Variants in TNPO1 observed in about 807,000 individuals in gnomAD.
The protein encoded by TNPO1 is transportin-1.
Under a neutral mutation model 119.5 loss-of-function variants are expected in TNPO1, and 8 were observed. The ratio of observed to expected loss-of-function variants is 0.07; its 90% CI spans 0.04 to 0.12. TNPO1 has a LOEUF of 0.12. TNPO1 is among the 10% of genes least tolerant of loss of function. The pLI, the probability that TNPO1 is intolerant of heterozygous loss-of-function variation, is 1.00. For missense variants in TNPO1, 576 were observed against 1,089.8 expected (o/e 0.53, Z 6.64); for synonymous variants, 362 against 363.0 (o/e 1.00, Z 0.03).
At chr5:72,853,017 C>T (rs1745700642) in intron 3 of TNPO1, among the ~76,000 whole-genome samples, 1 of 152,106 alleles carries the variant, frequency 6.6e-6, no homozygotes, top group Non-Finnish European at 1.5e-5. Context: ...AATTTATTTT[C>T]ACTAAGCTGT....
intron 11 of TNPO1, among the ~76,000 whole-genome samples, chr5:72,886,389 G>A (rs932051351): frequency 5.9e-5 from 9 of 152,104 alleles, no homozygotes; most frequent in Non-Finnish European, 1.2e-4. Context: ...AGTTAATAAT[G>A]TATGTTTTTT....
At chr5:72,894,268 TAAG>T (rs1395046242) in intron 18 of TNPO1, among the ~76,000 whole-genome samples, 1 of 152,142 alleles carries the variant, frequency 6.6e-6, no homozygotes, top group Non-Finnish European at 1.5e-5. Flanking sequence ...GTGACAATGA[TAAG>T]AAATTCCTTG....
intron 6 of TNPO1, among the ~76,000 whole-genome samples, chr5:72,868,431 CAAAAAAAAAAAAA>C (rs200691585): frequency 5.9e-4 from 16 of 27,070 alleles, no homozygotes; most frequent in Admixed American, 9.1e-4. Flanking sequence ...GACTCCGTCT[CAAAAAAAAAAAAA>C]AAAAAAAAAA....
In TNPO1 at chr5:72,851,199, C is replaced by A. The variant is rs562214549; in HGVS notation, c.130-45C>A. 7.8e-5 allele frequency: 90 copies of A among 1,156,492 alleles called. No homozygotes were observed. In the African/African-American group the frequency reaches 1.3e-3, roughly 16 times the overall value. The allele number at this position is 1,156,492 out of a possible 1,614,324, so 71.6% of individuals were successfully genotyped here. A position where few individuals can be genotyped will look rare whatever the true frequency, so the allele number is the denominator to read the frequency against. On this transcript the variant is annotated intron_variant, in intron 2 of 24. Transcript: ENST00000337273. ...TTAGATTTAAAATGCTTAATTTCTTCCTGAGATTACACAGAGAAGTTTCCT... is the reference window on the plus strand; with the variant it reads ...TTAGATTTAAAATGCTTAATTTCTTACTGAGATTACACAGAGAAGTTTCCT...
Position 72,911,230 on chromosome 5 carries a change from A to G in TNPO1, c.*2557A>G, listed in dbSNP as rs1047335489. ...GACAATTCTGTATTGACTAAAGGCAATATTGTCACCTGTCTCATTAAAAAT... is the reference window on the plus strand; with the variant it reads ...GACAATTCTGTATTGACTAAAGGCAGTATTGTCACCTGTCTCATTAAAAAT... On this transcript the variant is annotated 3_prime_UTR_variant, in exon 25 of 25. Transcript: ENST00000337273. 6 of 152,228 alleles carry G rather than the reference A, an allele frequency of 3.9e-5. No individual in the cohort carries two copies. Among genetic ancestry groups the G allele is most frequent in the South Asian group, 4.1e-4 (2 of 4,830 alleles). The allele number at this position is 152,228 out of a possible 1,614,324, so 9.4% of individuals were successfully genotyped here.
rs947056452 is a variant in TNPO1, at chr5:72,875,781, A to G, written c.801+44A>G. On this transcript the variant is annotated intron_variant, in intron 8 of 24. Coordinates refer to ENST00000337273, the MANE Select transcript of TNPO1 (RefSeq NM_002270.4). ...AGGCTCTTTCATCATCTTTCCCCTA[A>G]GAGAAATACTAGATAGAAAATACAA... 10 of 1,572,528 alleles carry G rather than the reference A, an allele frequency of 6.4e-6. No individual in the cohort carries two copies. The African/African-American group carries it at 8.1e-5, about 13-fold the overall frequency.
At position 72,912,622 on chromosome 5, in the gene TNPO1, G is replaced by A. The variant is rs1370892240; in HGVS notation, c.*3949G>A. 1 of 152,284 alleles carries A rather than the reference G, an allele frequency of 6.6e-6. No homozygotes were observed. The highest frequency in any genetic ancestry group is 2.4e-5 in the African/African-American group (1 of 41,372). The allele number at this position is 152,284 out of a possible 1,614,324, so 9.4% of individuals were successfully genotyped here. ...GGGTGGTATAAAGCCCTCCTGACAA[G>A]CCTTTTGCCTACAGGTTTACCTGAA... is the stretch of plus-strand genomic sequence containing the variant. On this transcript the variant is annotated 3_prime_UTR_variant, in exon 25 of 25. Coordinates refer to ENST00000337273, the MANE Select transcript of TNPO1 (RefSeq NM_002270.4).
chr5:72,853,011 T>C (rs1175644633), intron 3 of TNPO1, among the ~76,000 whole-genome samples: 1 of 152,248 alleles, frequency 6.6e-6, no homozygotes, highest in Non-Finnish European at 1.5e-5. Flanking sequence ...TTTTTAAATT[T>C]ATTTTCACTA....
At chr5:72,837,790 A>G (rs1744748400) in intron 1 of TNPO1, among the ~76,000 whole-genome samples, 1 of 152,154 alleles carries the variant, frequency 6.6e-6, no homozygotes, top group Non-Finnish European at 1.5e-5. Context: ...TCTTCTCATC[A>G]ACGCCATTTC....
At chr5:72,846,722 C>G (rs895860993) in intron 1 of TNPO1, among the ~76,000 whole-genome samples, 15 of 152,132 alleles carry the variant, frequency 9.9e-5, no homozygotes, top group African/African-American at 3.6e-4. Flanking sequence ...CGATCTCTAT[C>G]TTGAGCTGGG....
chr5:72,902,661 A>T (rs1749878971), intron 22 of TNPO1, among the ~76,000 whole-genome samples: 1 of 152,164 alleles, frequency 6.6e-6, no homozygotes, highest in African/African-American at 2.4e-5. Flanking sequence ...AAGATGATAA[A>T]AGTAGCACAT....
chr5:72,848,601 C>G, intron 2 of TNPO1, 103 bp downstream of exon 2: 1 of 544,496 alleles, frequency 1.8e-6, no homozygotes, highest in African/African-American at 2.0e-5. Context: ...CTGCCCCTCC[C>G]CCATCCTCCG....
chr5:72,844,411 CA>C lies in TNPO1; in HGVS notation c.16-3973del, dbSNP rs1745039790. On this transcript the variant is annotated intron_variant, in intron 1 of 24. Coordinates refer to ENST00000337273, the MANE Select transcript of TNPO1 (RefSeq NM_002270.4). The stretch of plus-strand genomic sequence containing the variant: ...TGGTCAGGTTTAAGGAGGGCATTCC[CA>C]GCAGGAAATCCCTATGCAAAGGCTC... Among the ~76,000 whole-genome samples the C allele has an allele frequency of 2.0e-5, 3 of 152,078 alleles. No homozygotes were observed. In the South Asian group the frequency reaches 6.2e-4, roughly 32 times the overall value.
chr5:72,901,092 T>C lies in TNPO1; in HGVS notation c.2514+19T>C, dbSNP rs773476463. ...AATCCAAGTAAGATGTTCACAAAGA[T>C]TTGTTTTTAATGTCTAATTAATAAA... is the stretch of plus-strand genomic sequence containing the variant. On this transcript the variant is annotated intron_variant, in intron 22 of 24. Transcript: ENST00000337273. 1.3e-6 allele frequency: 2 copies of C among 1,542,936 alleles called. No homozygotes were observed. The highest frequency in any genetic ancestry group is 2.4e-5 in the South Asian group (2 of 82,096).
intron 1 of TNPO1, among the ~76,000 whole-genome samples, chr5:72,820,462 C>T (rs945040180): frequency 4.6e-5 from 7 of 152,140 alleles, no homozygotes; most frequent in African/African-American, 1.2e-4. Flanking sequence ...AGTGGATTAA[C>T]GTTTTCCTTG....
At chr5:72,875,543 C>T in intron 7 of TNPO1, 72 bp from the exon 8 acceptor site, 2 of 1,518,526 alleles carry the variant, frequency 1.3e-6, no homozygotes, top group South Asian at 1.2e-5. Flanking sequence ...TAAATGTCAC[C>T]AACTTGCAGA....
chr5:72,845,290 A>G (rs943142778), intron 1 of TNPO1, among the ~76,000 whole-genome samples: 5 of 152,168 alleles, frequency 3.3e-5, no homozygotes, highest in Non-Finnish European at 5.9e-5. Context: ...TGATCTTGAT[A>G]TTCTATTTAA....
intron 9 of TNPO1, among the ~76,000 whole-genome samples, chr5:72,881,043 C>A (rs748431167): frequency 2.0e-5 from 3 of 152,018 alleles, no homozygotes; most frequent in Non-Finnish European, 4.4e-5. Flanking sequence ...TCTTGCAAAC[C>A]TTACTAGGCC....
intron 4 of TNPO1, among the ~76,000 whole-genome samples, chr5:72,858,385 T>C (rs1746163099): frequency 6.6e-6 from 1 of 152,162 alleles, no homozygotes; most frequent in African/African-American, 2.4e-5. Flanking sequence ...AGCTATGAGC[T>C]TGAAATAAGT....
Sources: allele counts gnomAD v4.1 joint callset (sites outside exome capture counted in the v4.1 genomes callset), GRCh38; gene constraint gnomAD v4.1.1; transcripts MANE v1.5; gene names NCBI Gene and HGNC (gene_info 2026-07-23, HGNC 2026-07-21).